The following DNAH14 variants were observed in gnomAD, a reference collection of about 807,000 sequenced individuals.
DNAH14 encodes the protein axonemal beta dynein heavy chain 14.
A neutral mutation model predicts 520.9 loss-of-function variants in DNAH14; 478 were observed. The ratio of observed to expected loss-of-function variants is 0.92; its 90% CI spans 0.85 to 0.99. The LOEUF (loss-of-function observed/expected upper bound fraction) is 0.99. Among genes scored for constraint, DNAH14 ranks in the 50% least tolerant of loss-of-function variants. The pLI is 0.00. For synonymous variants in DNAH14, 1,581 were observed against 1,757.2 expected, an observed-to-expected ratio of 0.90 and a Z score of 2.51; for missense variants, 4,831 against 5,234.5, an observed-to-expected ratio of 0.92 and a Z score of 2.38.
At chr1:225,040,072 G>A (rs1014196777) in intron 12 of DNAH14, among the ~76,000 whole-genome samples, 3 of 150,694 alleles carry the variant, frequency 2.0e-5, no homozygotes, top group Non-Finnish European at 4.4e-5. Flanking sequence ...CGAGTAGCTG[G>A]GACTACAGGT....
chr1:225,119,125 A>C, intron 25 of DNAH14, 95 bp from the exon 26 acceptor site: 1 of 853,150 alleles, frequency 1.2e-6, no homozygotes, highest in South Asian at 2.6e-5. Flanking sequence ...ATATTATTAA[A>C]GTATGTAGAA....
intron 25 of DNAH14, among the ~76,000 whole-genome samples, chr1:225,118,488 C>T (rs2077035493): frequency 6.6e-6 from 1 of 152,146 alleles, no homozygotes; most frequent in Non-Finnish European, 1.5e-5. Context: ...GCTCTCTAAC[C>T]TTTGGCAAGT....
intron 31 of DNAH14, among the ~76,000 whole-genome samples, chr1:225,148,732 A>T (rs2080198381): frequency 6.6e-6 from 1 of 152,002 alleles, no homozygotes. Context: ...TGTTGCCTGC[A>T]TATATGTCTT....
intron 17 of DNAH14, among the ~76,000 whole-genome samples, chr1:225,073,271 G>C (rs1346223923): frequency 1.3e-5 from 2 of 152,050 alleles, no homozygotes. Context: ...GTCAGCTGGG[G>C]CTCTCTAAAG....
chr1:225,208,360 A>G (rs2087871830), intron 41 of DNAH14, among the ~76,000 whole-genome samples: 1 of 152,204 alleles, frequency 6.6e-6, no homozygotes, highest in African/African-American at 2.4e-5. Flanking sequence ...AACATAATAA[A>G]TGGGTTGAAT....
At chr1:224,997,647 C>A (rs2063483524) in intron 8 of DNAH14, among the ~76,000 whole-genome samples, 1 of 152,040 alleles carries the variant, frequency 6.6e-6, no homozygotes, top group African/African-American at 2.4e-5. Flanking sequence ...CTTCTTTAAA[C>A]ATTTGGTAGA....
chr1:225,279,581 G>T (rs1277643475), intron 54 of DNAH14, among the ~76,000 whole-genome samples: 1 of 152,116 alleles, frequency 6.6e-6, no homozygotes, highest in Non-Finnish European at 1.5e-5. Context: ...AATTGTACAT[G>T]AATTTTAAAA....
intron 68 of DNAH14, among the ~76,000 whole-genome samples, chr1:225,339,705 C>A (rs953870577): frequency 2.0e-5 from 3 of 152,186 alleles, no homozygotes; most frequent in Non-Finnish European, 2.9e-5. Context: ...CAGTGATAGA[C>A]CTCACTCTGT....
At chr1:225,124,948 A>C (rs1462903361) in intron 27 of DNAH14, among the ~76,000 whole-genome samples, 1 of 152,216 alleles carries the variant, frequency 6.6e-6, no homozygotes, top group African/African-American at 2.4e-5. Flanking sequence ...GTTATCAGGC[A>C]TGAAAACAAC....
chr1:225,021,389 A>C (rs2065680584), intron 10 of DNAH14, among the ~76,000 whole-genome samples: 2 of 152,196 alleles, frequency 1.3e-5, no homozygotes, highest in South Asian at 4.1e-4. Context: ...CTATCTAGGA[A>C]ACCTTATAGT....
chr1:225,147,065 T>C (rs945156978), intron 30 of DNAH14, 39 bp from the exon 31 acceptor site: 71 of 1,437,886 alleles, frequency 4.9e-5, no homozygotes, highest in Non-Finnish European at 6.6e-5. Context: ...CTCACCATTA[T>C]AATAATTTTA....
intron 34 of DNAH14, 41 bp from the exon 35 acceptor site, chr1:225,159,273 C>A (rs1480101): frequency 1.3e-6 from 2 of 1,504,864 alleles, no homozygotes; most frequent in South Asian, 1.2e-5. Flanking sequence ...GAGCAGACTC[C>A]CTAATTTGTT....
At chr1:225,327,239 G>A (rs2094693888) in intron 64 of DNAH14, among the ~76,000 whole-genome samples, 1 of 151,548 alleles carries the variant, frequency 6.6e-6, no homozygotes, top group Admixed American at 6.6e-5. Context: ...CTCACTGCAA[G>A]CTCCGCCTCC....
chr1:225,108,623 T>C (rs1466487358), intron 23 of DNAH14, among the ~76,000 whole-genome samples: 1 of 152,188 alleles, frequency 6.6e-6, no homozygotes, highest in Non-Finnish European at 1.5e-5. Flanking sequence ...TAATCCCTTG[T>C]CAGATGGATA....
At chr1:225,049,047 ATTTTTTTTTTTTTTTTTT>A (rs71170051) in intron 15 of DNAH14, among the ~76,000 whole-genome samples, 2 of 56,278 alleles carry the variant, frequency 3.6e-5, no homozygotes, top group Non-Finnish European at 5.9e-5. Flanking sequence ...TCTCTTGCCT[ATTTTTTTTTTTTTTTTTT>A]TTTTTTTTTT....
At position 225,080,503 on chromosome 1, in the gene DNAH14, A is replaced by T. The variant is rs1319964346; in HGVS notation, c.2891A>T (p.Asp964Val). The change falls in exon 19 of 86, where the codon GAT (aspartate) becomes GTT (valine). Residue 964 changes from aspartate to valine, a missense_variant. By Grantham distance (152) the Asp-to-Val change is radical. Transcript: ENST00000682510. Reference protein sequence around the residue: ...NKAKAYSHYQDCFSDSQSHMH... With the variant: ...NKAKAYSHYQVCFSDSQSHMH... ...GCTAAAGCATATTCACATTATCAGG[A>T]TTGTTTCAGTGATTCTCAATCTCAT... is the stretch of plus-strand genomic sequence containing the variant. The T allele has an allele frequency of 1.3e-6, 2 of 1,551,704 alleles. No individual in the cohort carries two copies. Among genetic ancestry groups the T allele is most frequent in the Non-Finnish European group, 1.7e-6 (2 of 1,147,024 alleles).
At chr1:225,299,253 ATGCCACCTCAGAT>A (rs1558307079) in intron 55 of DNAH14, among the ~76,000 whole-genome samples, 2 of 152,196 alleles carry the variant, frequency 1.3e-5, no homozygotes, top group Admixed American at 6.5e-5. Flanking sequence ...AAAATTAGGA[ATGCCACCTCAGAT>A]TGTATTTACT....
At chr1:225,130,842 TA>T (rs1233698744) in intron 27 of DNAH14, among the ~76,000 whole-genome samples, 3 of 146,188 alleles carry the variant, frequency 2.1e-5, no homozygotes, top group Non-Finnish European at 1.5e-5. Flanking sequence ...TAAAATAAAA[TA>T]AAAAAAGGAA....
intron 8 of DNAH14, among the ~76,000 whole-genome samples, chr1:224,992,331 G>T (rs2063116388): frequency 6.6e-6 from 1 of 152,074 alleles, no homozygotes; most frequent in African/African-American, 2.4e-5. Flanking sequence ...AACAACATTA[G>T]TTCTTCCAAT....
Sources: gnomAD v4.1 joint callset for allele counts (sites outside exome capture counted in the v4.1 genomes callset) on GRCh38, gnomAD v4.1.1 for gene constraint, MANE v1.5 for transcripts, NCBI Gene and HGNC (gene_info 2026-07-23, HGNC 2026-07-21) for gene names.